Variants in ADAMTS20 observed in about 807,000 individuals in gnomAD.
ADAMTS20 encodes A disintegrin and metalloproteinase with thrombospondin motifs 20.
In ADAMTS20, 225 loss-of-function variants were observed where a neutral mutation model predicts 260.1. The ratio of observed to expected loss-of-function variants is 0.87; its 90% CI spans 0.78 to 0.97. The LOEUF is 0.97. Among genes scored for constraint, ADAMTS20 ranks in the 50% least tolerant of loss-of-function variants. The pLI is 0.00. For synonymous variants in ADAMTS20, 802 were observed against 769.5 expected (o/e 1.04, Z -0.70); for missense variants, 2,400 against 2,337.7 (o/e 1.03, Z -0.55).
rs1565693285 is a variant in ADAMTS20, at chr12:43,428,676, A to G, written c.3613T>C (p.Phe1205Leu). The part of the protein sequence containing the change: ...LPRPAEIWDC[F>L]TPCGEWQAGD... The stretch of plus-strand genomic sequence containing the variant: ...GCTTGCCACTCTCCACAAGGGGTAA[A>G]ACAGTCCCATATTTCAGCAGGTCGG... The change falls in exon 25 of 39, where the codon TTT (phenylalanine) becomes CTT (leucine). Residue 1205 changes from phenylalanine (F) to leucine (L), a missense_variant. Physicochemically the swap from Phe to Leu is conservative, Grantham distance 22. Transcript: ENST00000389420. The G allele has an allele frequency of 6.2e-7, 1 of 1,610,658 alleles. No individual in the cohort carries two copies. The highest frequency in any genetic ancestry group is 8.5e-7 in the Non-Finnish European group (1 of 1,177,792).
At chr12:43,421,922 C>T (rs1941244760) in intron 28 of ADAMTS20, among the ~76,000 whole-genome samples, 1 of 151,318 alleles carries the variant, frequency 6.6e-6, no homozygotes. Flanking sequence ...AAAACACCAC[C>T]GAAAGAAAGG....
At chr12:43,462,242 T>C (rs1942076600) in intron 11 of ADAMTS20, among the ~76,000 whole-genome samples, 1 of 152,200 alleles carries the variant, frequency 6.6e-6, no homozygotes, top group Non-Finnish European at 1.5e-5. Context: ...AGCTCAGAGA[T>C]GCTGACAGAC....
Position 43,372,652 on chromosome 12 carries a change from G to C in ADAMTS20, c.5446+2727C>G, listed in dbSNP as rs146110398. 1.8e-4 allele frequency among the ~76,000 whole-genome samples: 28 copies of C among 152,328 alleles called. No individual in the cohort carries two copies. The East Asian group carries it at 5.0e-3, about 27-fold the overall frequency. On this transcript the variant is annotated intron_variant, in intron 36 of 38. Coordinates refer to ENST00000389420, the MANE Select transcript of ADAMTS20 (RefSeq NM_025003.5). ...GAAGAATTTAAATGATTCAGCAGCA[G>C]AATTGAGGATGTGAGAGAGATTAGG...
At position 43,429,665 on chromosome 12, in the gene ADAMTS20, A is replaced by G. The variant is rs1271032380; in HGVS notation, c.3441T>C (p.Thr1147=). ...ATTGTGCCATCTTTTTTATGAGAAC[A>G]GTTGGTAATAAAGCGGTCTCAAGTT... is the stretch of plus-strand genomic sequence containing the variant. ...ISKLETALLP[T]VLIKKMAQWR... The change falls in exon 24 of 39, where the codon ACT becomes ACC. Residue 1147 remains threonine (T), a synonymous_variant. Coordinates refer to ENST00000389420, the MANE Select transcript of ADAMTS20 (RefSeq NM_025003.5). The G allele has an allele frequency of 2.5e-6, 4 of 1,600,752 alleles. No homozygotes were observed. The Middle Eastern group carries it at 5.0e-4, about 199-fold the overall frequency.
intron 7 of ADAMTS20, among the ~76,000 whole-genome samples, chr12:43,479,248 T>A (rs1047680740): frequency 6.6e-6 from 1 of 152,194 alleles, no homozygotes; most frequent in African/African-American, 2.4e-5. Flanking sequence ...GGTAACTAAT[T>A]GTAAAATTAT....
chr12:43,377,302 C>A, intron 32 of ADAMTS20, 63 bp downstream of exon 32: 1 of 1,431,732 alleles, frequency 7.0e-7, no homozygotes, highest in Non-Finnish European at 9.4e-7. Context: ...AAACAGATTA[C>A]CAGATTTCCC....
intron 16 of ADAMTS20, among the ~76,000 whole-genome samples, chr12:43,443,508 A>C (rs1450273459): frequency 2.0e-5 from 3 of 152,208 alleles, no homozygotes; most frequent in African/African-American, 4.8e-5. Flanking sequence ...TTTTATTCTA[A>C]ATACACATGC....
At chr12:43,537,169 A>G (rs1403061276) in intron 2 of ADAMTS20, among the ~76,000 whole-genome samples, 1 of 151,982 alleles carries the variant, frequency 6.6e-6, no homozygotes, top group Non-Finnish European at 1.5e-5. Flanking sequence ...TCCCAGGCTC[A>G]AGCAATCCCC....
At chr12:43,485,667 C>T (rs74477825) in intron 7 of ADAMTS20, among the ~76,000 whole-genome samples, 50,071 of 151,754 alleles carry the variant, frequency 0.33, 8,863 homozygotes, top group East Asian at 0.75. Flanking sequence ...ATACCTAGAC[C>T]ATCTTACAGA....
chr12:43,410,151 T>C (rs549664673), intron 28 of ADAMTS20, among the ~76,000 whole-genome samples: 32 of 152,122 alleles, frequency 2.1e-4, no homozygotes, highest in African/African-American at 7.2e-4. Flanking sequence ...AGTGTTTTAG[T>C]ATGAGAGGGT....
intron 37 of ADAMTS20, among the ~76,000 whole-genome samples, chr12:43,364,020 T>C (rs1431839162): frequency 6.6e-6 from 1 of 152,098 alleles, no homozygotes; most frequent in Non-Finnish European, 1.5e-5. Flanking sequence ...CTCAACACAA[T>C]TTCAGGGAAA....
At chr12:43,522,389 G>T (rs1943084641) in intron 3 of ADAMTS20, among the ~76,000 whole-genome samples, 1 of 152,166 alleles carries the variant, frequency 6.6e-6, no homozygotes, top group South Asian at 2.1e-4. Context: ...GTGAGATTTG[G>T]GTGGGGACAC....
At chr12:43,512,613 A>T (rs920275879) in intron 3 of ADAMTS20, among the ~76,000 whole-genome samples, 14 of 152,096 alleles carry the variant, frequency 9.2e-5, no homozygotes, top group Admixed American at 7.9e-4. Context: ...ACGAGTTAAT[A>T]ATTGGGGCCC....
At chr12:43,442,856 C>T (rs1202451634) in intron 16 of ADAMTS20, among the ~76,000 whole-genome samples, 1 of 152,064 alleles carries the variant, frequency 6.6e-6, no homozygotes, top group African/African-American at 2.4e-5. Flanking sequence ...AGTTCAATGG[C>T]ATTTAGTATA....
intron 14 of ADAMTS20, among the ~76,000 whole-genome samples, chr12:43,448,880 A>G (rs1352894960): frequency 1.3e-5 from 2 of 152,150 alleles, no homozygotes; most frequent in Non-Finnish European, 2.9e-5. Context: ...ACAAGCCTAC[A>G]AAAAAAGCGC....
chr12:43,388,700 T>G (rs576221856), intron 29 of ADAMTS20, among the ~76,000 whole-genome samples: 1 of 152,286 alleles, frequency 6.6e-6, no homozygotes, highest in Admixed American at 6.5e-5. Flanking sequence ...CTCAGAGAGG[T>G]TAAAGTCCCT....
intron 2 of ADAMTS20, among the ~76,000 whole-genome samples, chr12:43,537,646 C>T: frequency 6.6e-6 from 1 of 152,068 alleles, no homozygotes; most frequent in East Asian, 1.9e-4. Flanking sequence ...TAACCATCCC[C>T]ACCTCTCCCC....
At chr12:43,462,331 A>G (rs1365411504) in intron 11 of ADAMTS20, among the ~76,000 whole-genome samples, 1 of 152,208 alleles carries the variant, frequency 6.6e-6, no homozygotes, top group South Asian at 2.1e-4. Context: ...TCCTCTCACA[A>G]GACACTTTTC....
chr12:43,415,352 G>T (rs1373801658), intron 28 of ADAMTS20, among the ~76,000 whole-genome samples: 4 of 150,104 alleles, frequency 2.7e-5, no homozygotes, highest in African/African-American at 9.8e-5. Flanking sequence ...TTCCATAAAA[G>T]TTTGCTTAAA....
Sources: allele counts gnomAD v4.1 joint callset (sites outside exome capture counted in the v4.1 genomes callset), GRCh38; gene constraint gnomAD v4.1.1; transcripts MANE v1.5; gene names NCBI Gene and HGNC (gene_info 2026-07-23, HGNC 2026-07-21).